The following API5 variants were observed in gnomAD, a reference collection of about 807,000 sequenced individuals.
API5 encodes FIF.
API5 carries 6 observed loss-of-function variants against 71.9 expected under a neutral mutation model. That is an observed-to-expected ratio of 0.08 (90% CI 0.05 to 0.16). The LOEUF is 0.16. API5 is among the 10% of genes least tolerant of loss of function. The pLI, the probability that API5 is intolerant of heterozygous loss-of-function variation, is 1.00. For missense variants in API5, 332 were observed against 612.8 expected, an observed-to-expected ratio of 0.54 and a Z score of 4.84; for synonymous variants, 189 against 221.3, an observed-to-expected ratio of 0.85 and a Z score of 1.30.
intron 1 of API5, among the ~76,000 whole-genome samples, chr11:43,315,082 A>G (rs1854624054): frequency 6.6e-6 from 1 of 152,178 alleles, no homozygotes; most frequent in African/African-American, 2.4e-5. Flanking sequence ...ACTTCCTTCT[A>G]ACTTTTACTT....
At chr11:43,337,237 G>C (rs911616663) in intron 13 of API5, among the ~76,000 whole-genome samples, 4 of 152,028 alleles carry the variant, frequency 2.6e-5, no homozygotes, top group South Asian at 2.1e-4. Flanking sequence ...AGAGGCAGGA[G>C]GATTGCTGAA....
At chr11:43,319,983 A>G (rs946312871) in intron 2 of API5, among the ~76,000 whole-genome samples, 13 of 151,936 alleles carry the variant, frequency 8.6e-5, no homozygotes, top group African/African-American at 3.1e-4. Context: ...GACATTGTTA[A>G]CATCCCTTTT....
chr11:43,338,525 A>AT (rs1174846106), intron 13 of API5, among the ~76,000 whole-genome samples: 1 of 151,920 alleles, frequency 6.6e-6, no homozygotes, highest in East Asian at 1.9e-4. Context: ...TAAAAAAAAA[A>AT]TGTAAGCTTG....
At chr11:43,316,963 T>C (rs578125979) in intron 1 of API5, among the ~76,000 whole-genome samples, 1 of 152,340 alleles carries the variant, frequency 6.6e-6, no homozygotes, top group East Asian at 1.9e-4. Context: ...AGTTGTTCTG[T>C]AACTTTGCAT....
intron 13 of API5, 78 bp from the exon 14 acceptor site, chr11:43,342,350 T>C: frequency 4.1e-6 from 5 of 1,226,338 alleles, no homozygotes; most frequent in Non-Finnish European, 4.6e-6. Flanking sequence ...TATTCAGAGT[T>C]ATGAGCTACG....
chr11:43,324,020 A>T (rs1053800064), intron 6 of API5, among the ~76,000 whole-genome samples: 2 of 150,650 alleles, frequency 1.3e-5, no homozygotes, highest in Non-Finnish European at 3.0e-5. Context: ...GAAAGAAAGA[A>T]TTTTTTTTTT....
Position 43,323,447 on chromosome 11 carries a change from T to G in API5, c.561T>G (p.Thr187=). The G allele has an allele frequency of 1.2e-6, 2 of 1,614,046 alleles. No individual in the cohort carries two copies. The highest frequency in any genetic ancestry group is 1.7e-6 in the Non-Finnish European group (2 of 1,179,906). Residue 187 remains threonine, a synonymous_variant, in exon 6 of 14, where the codon ACT becomes ACG. Transcript: ENST00000531273. The part of the protein sequence containing the change: ...TESKKVLEDV[T]GEEFVLFMKI... Reference sequence around the variant, plus strand: ...TTTTCCAGGTCCTAGAAGATGTGACTGGTGAAGAATTTGTTCTATTTATGA... The same window carrying G: ...TTTTCCAGGTCCTAGAAGATGTGACGGGTGAAGAATTTGTTCTATTTATGA...
chr11:43,323,214 A>C (rs1854955110), intron 5 of API5, among the ~76,000 whole-genome samples: 1 of 152,064 alleles, frequency 6.6e-6, no homozygotes, highest in East Asian at 1.9e-4. Flanking sequence ...AAAAAGTAAC[A>C]TTTTCTAAGA....
chr11:43,318,606 T>C, intron 1 of API5, 34 bp from the exon 2 acceptor site: 1 of 1,606,072 alleles, frequency 6.2e-7, no homozygotes, highest in Non-Finnish European at 8.5e-7. Flanking sequence ...TCCTTCAAAA[T>C]CATGTGTCTT....
intron 1 of API5, among the ~76,000 whole-genome samples, chr11:43,317,604 A>G (rs1340075318): frequency 2.0e-5 from 3 of 152,206 alleles, no homozygotes; most frequent in Non-Finnish European, 4.4e-5. Context: ...CAAGGTGCTA[A>G]TTAGAAACAG....
chr11:43,321,853 A>G, intron 4 of API5, 132 bp from the exon 5 acceptor site: 1 of 875,080 alleles, frequency 1.1e-6, no homozygotes, highest in Non-Finnish European at 1.7e-6. Flanking sequence ...GACTACTTTT[A>G]ACTAGTAATG....
At chr11:43,335,765 G>A in intron 12 of API5, 93 bp from the exon 13 acceptor site, 2 of 1,330,010 alleles carry the variant, frequency 1.5e-6, no homozygotes, top group African/African-American at 1.5e-5. Context: ...TCTTTAGGAT[G>A]TCTTTCCTAA....
chr11:43,324,801 C>A (rs529996329), intron 6 of API5, among the ~76,000 whole-genome samples: 1 of 152,188 alleles, frequency 6.6e-6, no homozygotes, highest in African/African-American at 2.4e-5. Flanking sequence ...CCTCAACTTC[C>A]CGAGTAGCTG....
At chr11:43,339,571 G>A (rs1565114366) in intron 13 of API5, among the ~76,000 whole-genome samples, 1 of 152,138 alleles carries the variant, frequency 6.6e-6, no homozygotes, top group East Asian at 1.9e-4. Context: ...CTCTTGTTCT[G>A]TACATCACAA....
rs967308438 is a variant in API5 at position 43,342,285 on chromosome 11, A to C, written c.1493-143A>C. ...TTGTTCTTGTTTTATGTACAGGCTAAATTTGTAGATTGAATAGCAGAATAT... is the reference window on the plus strand; with the variant it reads ...TTGTTCTTGTTTTATGTACAGGCTACATTTGTAGATTGAATAGCAGAATAT... On this transcript the variant is annotated intron_variant, in intron 13 of 13. Coordinates refer to ENST00000531273, the MANE Select transcript of API5 (RefSeq NM_001142930.2). 4.4e-6 allele frequency: 3 copies of C among 675,554 alleles called. No homozygotes were observed. In the African/African-American group the frequency reaches 5.4e-5, roughly 12 times the overall value. The allele number at this position is 675,554 out of a possible 1,614,324, so 41.8% of individuals were successfully genotyped here. A position where few individuals can be genotyped will look rare whatever the true frequency, so the allele number is the denominator to read the frequency against.
At chr11:43,329,183 A>T (rs935713929) in intron 9 of API5, 1 of 266,950 alleles carries the variant, frequency 3.7e-6, no homozygotes, top group African/African-American at 2.2e-5. Context: ...TCTATAAAAA[A>T]TAACTTTAAA....
intron 1 of API5, among the ~76,000 whole-genome samples, chr11:43,318,095 C>T (rs576577624): frequency 1.9e-4 from 29 of 152,076 alleles, no homozygotes; most frequent in African/African-American, 6.5e-4. Context: ...CTGCAACCTC[C>T]GCTTCCCGGA....
At chr11:43,316,825 T>C (rs1854689420) in intron 1 of API5, among the ~76,000 whole-genome samples, 1 of 152,152 alleles carries the variant, frequency 6.6e-6, no homozygotes, top group African/African-American at 2.4e-5. Flanking sequence ...TGGTTAATTT[T>C]ATATTTTTTG....
At chr11:43,341,986 A>C (rs1404748070) in intron 13 of API5, among the ~76,000 whole-genome samples, 1 of 148,466 alleles carries the variant, frequency 6.7e-6, no homozygotes, top group East Asian at 1.9e-4. Flanking sequence ...TGTCTCTACA[A>C]AAAAAAAAAA....
Sources: allele counts gnomAD v4.1 joint callset (sites outside exome capture counted in the v4.1 genomes callset), GRCh38; gene constraint gnomAD v4.1.1; transcripts MANE v1.5; gene names NCBI Gene and HGNC (gene_info 2026-07-23, HGNC 2026-07-21).